CREB3L1: variants seen among roughly 807,000 people sequenced by gnomAD.
CREB3L1 encodes cyclic AMP-responsive element-binding protein 3-like protein 1.
CREB3L1 carries 33 observed loss-of-function variants against 54.5 expected under a neutral mutation model. That is an observed-to-expected ratio of 0.61 (90% CI 0.46 to 0.81). The LOEUF is 0.81. CREB3L1 is among the 30% of genes least tolerant of loss of function. CREB3L1 has a pLI of 0.00. For synonymous variants in CREB3L1, 284 were observed against 286.4 expected (o/e 0.99, Z 0.08); for missense variants, 656 against 673.3 (o/e 0.97, Z 0.29).
chr11:46,301,563 T>C (rs1268095587), intron 2 of CREB3L1, among the ~76,000 whole-genome samples: 4 of 151,822 alleles, frequency 2.6e-5, no homozygotes, highest in Admixed American at 2.0e-4. Context: ...CTTGGAAGGC[T>C]GAGGCAGGAG....
intron 1 of CREB3L1, among the ~76,000 whole-genome samples, chr11:46,299,282 C>A (rs1939257275): frequency 6.6e-6 from 1 of 152,056 alleles, no homozygotes; most frequent in Non-Finnish European, 1.5e-5. Context: ...ACCATTCGAA[C>A]CTAAATAGTA....
intron 8 of CREB3L1, among the ~76,000 whole-genome samples, chr11:46,314,304 T>C (rs1939534441): frequency 6.6e-6 from 1 of 151,916 alleles, no homozygotes; most frequent in South Asian, 2.1e-4. Context: ...ATTAATAAGA[T>C]CCTGCGAATA....
At chr11:46,311,315 G>T in intron 5 of CREB3L1, 126 bp downstream of exon 5, 1 of 1,254,528 alleles carries the variant, frequency 8.0e-7, no homozygotes. Flanking sequence ...GAATTCAGAG[G>T]GATGCTTACC....
At chr11:46,299,910 T>C in intron 1 of CREB3L1, 25 bp from the exon 2 acceptor site, 1 of 1,578,450 alleles carries the variant, frequency 6.3e-7, no homozygotes, top group Non-Finnish European at 8.7e-7. Flanking sequence ...GAATTCCCTC[T>C]TCCCCTCACC....
chr11:46,317,801 G>A (rs1939589337), intron 10 of CREB3L1, among the ~76,000 whole-genome samples: 1 of 152,210 alleles, frequency 6.6e-6, no homozygotes, highest in African/African-American at 2.4e-5. Flanking sequence ...ATGCATTATG[G>A]TGCCAGTGCT....
At chr11:46,292,325 G>T (rs1307147631) in intron 1 of CREB3L1, among the ~76,000 whole-genome samples, 1 of 152,102 alleles carries the variant, frequency 6.6e-6, no homozygotes, top group Non-Finnish European at 1.5e-5. Context: ...CTCTGCTACA[G>T]AAAAAAGGGC....
intron 2 of CREB3L1, among the ~76,000 whole-genome samples, chr11:46,305,586 G>A (rs931532536): frequency 6.9e-6 from 1 of 144,326 alleles, no homozygotes; most frequent in Non-Finnish European, 1.5e-5. Context: ...ATATATATAT[G>A]TATATATACA....
chr11:46,312,973 C>T (rs532309089), intron 8 of CREB3L1, 54 bp downstream of exon 8: 6 of 1,358,542 alleles, frequency 4.4e-6, no homozygotes, highest in African/African-American at 1.5e-5. Flanking sequence ...GCAACCCGTG[C>T]CTGGCTCTGC....
intron 8 of CREB3L1, among the ~76,000 whole-genome samples, chr11:46,314,020 T>C (rs1180334277): frequency 6.6e-6 from 1 of 152,092 alleles, no homozygotes; most frequent in Admixed American, 6.6e-5. Context: ...GCAAATCACT[T>C]GAGGCCAAGA....
chr11:46,308,324 G>A (rs1449580637), intron 3 of CREB3L1, among the ~76,000 whole-genome samples: 1 of 152,166 alleles, frequency 6.6e-6, no homozygotes, highest in African/African-American at 2.4e-5. Context: ...GACAGCCCAG[G>A]CCACTGACTT....
In CREB3L1 at chr11:46,295,234, G is replaced by T; in HGVS notation, c.103-4701G>T. The T allele has an allele frequency of 9.7e-6, 1 of 103,122 alleles. No homozygotes were observed. The allele number at this position is 103,122 out of a possible 1,614,324, so 6.4% of individuals were successfully genotyped here. A position where few individuals can be genotyped will look rare whatever the true frequency, so the allele number is the denominator to read the frequency against. ...TGTCTCTGCACTGACCTTGGGGAAGGAATTTAGGGAGGGGTAAAACAAGGC... is the reference window on the plus strand; with the variant it reads ...TGTCTCTGCACTGACCTTGGGGAAGTAATTTAGGGAGGGGTAAAACAAGGC... On this transcript the variant is annotated intron_variant, in intron 1 of 11. Transcript: ENST00000621158. This position sits in a 1 kb window ranked among gnomAD's most constrained non-coding sequence, Gnocchi z 4.6.
At chr11:46,283,510 C>T (rs1227056286) in intron 1 of CREB3L1, among the ~76,000 whole-genome samples, 2 of 152,124 alleles carry the variant, frequency 1.3e-5, no homozygotes, top group East Asian at 1.9e-4. Context: ...TGCTCTATTT[C>T]AAGGACTTAC....
chr11:46,291,522 C>T (rs926570911), intron 1 of CREB3L1, among the ~76,000 whole-genome samples: 1 of 152,198 alleles, frequency 6.6e-6, no homozygotes, highest in African/African-American at 2.4e-5. Context: ...TTGCTTATAA[C>T]CATTGAACTG....
chr11:46,281,500 G>T (rs903076939), intron 1 of CREB3L1, among the ~76,000 whole-genome samples: 28 of 152,226 alleles, frequency 1.8e-4, no homozygotes, highest in Admixed American at 1.8e-3. Flanking sequence ...GAAAAGGTCT[G>T]TTTTCTCAGA....
chr11:46,300,016 C>T lies in CREB3L1; in HGVS notation c.184C>T (p.Pro62Ser). 3.1e-6 allele frequency: 5 copies of T among 1,613,920 alleles called. No homozygotes were observed. Among genetic ancestry groups the T allele is most frequent in the South Asian group, 1.1e-5 (1 of 91,078 alleles). Residue 62 changes from proline (P) to serine (S), a missense_variant, in exon 2 of 12, where the codon CCT becomes TCT. Pro to Ser is a moderately conservative substitution (Grantham distance 74). Coordinates refer to ENST00000621158, the MANE Select transcript of CREB3L1 (RefSeq NM_052854.4). ...NDLFSSFFDD[P>S]VLDEKSPLLD... is the part of the protein sequence containing the mutation. Reference sequence around the variant, plus strand: ...CCTGTTCAGCAGCTTCTTTGATGACCCTGTGCTGGATGAGAAGAGCCCTCT... The same window carrying T: ...CCTGTTCAGCAGCTTCTTTGATGACTCTGTGCTGGATGAGAAGAGCCCTCT...
At chr11:46,294,284 G>A (rs543613178) in intron 1 of CREB3L1, among the ~76,000 whole-genome samples, 5 of 152,172 alleles carry the variant, frequency 3.3e-5, no homozygotes, top group South Asian at 2.1e-4. Flanking sequence ...TCAGAACAAC[G>A]TGCTCCCTTA....
intron 1 of CREB3L1, among the ~76,000 whole-genome samples, chr11:46,285,930 C>T (rs1233684704): frequency 2.0e-5 from 3 of 152,216 alleles, no homozygotes; most frequent in East Asian, 1.9e-4. Flanking sequence ...GACAGGGGCT[C>T]GCTTTGGAGG....
At chr11:46,317,224 G>A (rs1939580304) in intron 9 of CREB3L1, 137 bp from the exon 10 acceptor site, 1 of 1,094,992 alleles carries the variant, frequency 9.1e-7, no homozygotes, top group Non-Finnish European at 1.3e-6. Context: ...AGGAGGGAGT[G>A]GTCGACTGGA....
intron 1 of CREB3L1, among the ~76,000 whole-genome samples, chr11:46,290,566 C>G (rs538491051): frequency 6.0e-4 from 91 of 151,892 alleles, no homozygotes; most frequent in African/African-American, 2.1e-3. Context: ...TCTCTCCTCC[C>G]AGTTAGCTCC....
Sources: allele counts gnomAD v4.1 joint callset (sites outside exome capture counted in the v4.1 genomes callset), GRCh38; gene constraint gnomAD v4.1.1; non-coding constraint Gnocchi (gnomAD v3.1); transcripts MANE v1.5; gene names NCBI Gene and HGNC (gene_info 2026-07-23, HGNC 2026-07-21).